The following NHS variants were observed in gnomAD, a reference collection of about 807,000 sequenced individuals.
NHS encodes actin remodeling regulator NHS.
A neutral mutation model predicts 72.5 loss-of-function variants in NHS; 5 were observed. The observed-to-expected ratio is 0.07, with a 90% CI of 0.04 to 0.14. The LOEUF (loss-of-function observed/expected upper bound fraction) is 0.14. NHS is among the 10% of genes least tolerant of loss of function. The pLI, the probability that NHS is intolerant of heterozygous loss-of-function variation, is 1.00. For synonymous variants in NHS, 464 were observed against 547.7 expected, an observed-to-expected ratio of 0.85 and a Z score of 2.13; for missense variants, 1,072 against 1,355.7, an observed-to-expected ratio of 0.79 and a Z score of 3.29.
At chrX:17,376,399 TC>T in intron 1 of NHS, 77 bp downstream of exon 1, 1 of 942,601 alleles carries the variant, frequency 1.1e-6, no homozygotes, top group Non-Finnish European at 1.5e-6. Flanking sequence ...GCAGCGGCAA[TC>T]CCAGCCCCGC....
At chrX:17,663,067 T>G (rs1004978020) in intron 1 of NHS, among the ~76,000 whole-genome samples, 9 of 111,885 alleles carry the variant, frequency 8.0e-5, no homozygotes, top group African/African-American at 2.9e-4. Context: ...CATTCATTCA[T>G]TCAACAAATG....
chrX:17,444,943 CTTATGATGGCTT>C (rs2079765769), intron 1 of NHS, among the ~76,000 whole-genome samples: 1 of 110,695 alleles, frequency 9.0e-6, no homozygotes, highest in African/African-American at 3.3e-5. Flanking sequence ...GCATCATTTA[CTTATGATGGCTT>C]TTATTTCACC....
chrX:17,380,470 G>A lies in NHS; in HGVS notation c.565+4148G>A, dbSNP rs145441946. 8.3e-3 allele frequency among the ~76,000 whole-genome samples: 889 copies of A among 107,085 alleles called. 12 individuals carry two copies. The highest frequency in any genetic ancestry group is 0.029 in the African/African-American group (847 of 29,114). 93.0% of individuals were successfully genotyped at this position (107,085 alleles called of 115,157 possible). A position where few individuals can be genotyped will look rare whatever the true frequency, so the allele number is the denominator to read the frequency against. On this transcript the variant is annotated intron_variant, in intron 1 of 8. Coordinates refer to ENST00000676302, the MANE Select transcript of NHS (RefSeq NM_001291867.2). ...CTTGACCGCCCCAGGCTCCCATCTC[G>A]GCCCCCCAAGTAGCTAGGACTACAG...
chrX:17,517,432 A>G (rs2065127236), intron 1 of NHS, among the ~76,000 whole-genome samples: 1 of 112,398 alleles, frequency 8.9e-6, no homozygotes, highest in South Asian at 3.7e-4. Flanking sequence ...ATTTTCCTCT[A>G]AGTCTTCAAT....
chrX:17,652,449 T>C (rs1375382801), intron 1 of NHS, among the ~76,000 whole-genome samples: 1 of 112,047 alleles, frequency 8.9e-6, no homozygotes, highest in Non-Finnish European at 1.9e-5. Flanking sequence ...GCAACATGGA[T>C]GAAACTGGAG....
chrX:17,644,863 G>A (rs1383758082), intron 1 of NHS, among the ~76,000 whole-genome samples: 1 of 110,784 alleles, frequency 9.0e-6, no homozygotes, highest in Admixed American at 9.6e-5. Flanking sequence ...TGCCAGGCAC[G>A]CTACAGTGTA....
chrX:17,482,187 G>A (rs2064948680), intron 1 of NHS, among the ~76,000 whole-genome samples: 1 of 112,066 alleles, frequency 8.9e-6, no homozygotes, highest in Non-Finnish European at 1.9e-5. Context: ...AGTGCTTTGA[G>A]TAGGCCAGGG....
intron 1 of NHS, chrX:17,557,350 T>TATATATATATG: frequency 9.4e-6 from 1 of 106,833 alleles, no homozygotes; most frequent in African/African-American, 3.5e-5. Flanking sequence ...TATATATATC[T>TATATATATATG]TGCATTTCAA....
chrX:17,402,075 T>A (rs1374329893), intron 1 of NHS, among the ~76,000 whole-genome samples: 1 of 111,791 alleles, frequency 8.9e-6, no homozygotes, highest in East Asian at 2.8e-4. Flanking sequence ...CATAAGCACA[T>A]GAAAAGATGC....
At chrX:17,635,678 G>A (rs1415766287) in intron 1 of NHS, 2 of 951,007 alleles carry the variant, frequency 2.1e-6, no homozygotes, top group African/African-American at 2.0e-5. Flanking sequence ...GGCTTGTGCT[G>A]TAGCCACTTC....
chrX:17,423,559 G>T (rs141108262), intron 1 of NHS, among the ~76,000 whole-genome samples: 1,328 of 111,601 alleles, frequency 0.012, 22 homozygotes, highest in African/African-American at 0.041. Flanking sequence ...CAGTCCTCAG[G>T]TTGGGGATGA....
intron 1 of NHS, among the ~76,000 whole-genome samples, chrX:17,506,348 G>A (rs1204424798): frequency 2.7e-5 from 3 of 109,342 alleles, no homozygotes; most frequent in African/African-American, 1.0e-4. Flanking sequence ...GACCAACATG[G>A]CAAAATCCCG....
intron 1 of NHS, among the ~76,000 whole-genome samples, chrX:17,386,435 TG>T (rs2064408943): frequency 9.1e-6 from 1 of 110,083 alleles, no homozygotes; most frequent in South Asian, 3.9e-4. Context: ...CTGAAGCAGG[TG>T]GATCACTTGA....
chrX:17,580,969 A>G (rs932136490), intron 1 of NHS, among the ~76,000 whole-genome samples: 1 of 112,023 alleles, frequency 8.9e-6, no homozygotes, highest in African/African-American at 3.2e-5. Context: ...AGGAAGTTGG[A>G]GAGTATGCCT....
At chrX:17,633,413 G>C (rs1023006188) in intron 1 of NHS, among the ~76,000 whole-genome samples, 2 of 111,906 alleles carry the variant, frequency 1.8e-5, no homozygotes, top group African/African-American at 6.5e-5. Flanking sequence ...GTGCATCCAG[G>C]GTCCTAGAGC....
At chrX:17,401,788 T>A (rs888696972) in intron 1 of NHS, among the ~76,000 whole-genome samples, 5 of 111,832 alleles carry the variant, frequency 4.5e-5, no homozygotes, top group African/African-American at 1.6e-4. Context: ...ATTATAAGGA[T>A]AACAGTCATT....
intron 1 of NHS, among the ~76,000 whole-genome samples, chrX:17,637,363 TACGTGGCTGACAGACCAGG>T (rs1164225188): frequency 2.7e-5 from 3 of 111,865 alleles, no homozygotes; most frequent in African/African-American, 9.7e-5. Context: ...CCAAGGCCTA[TACGTGGCTGACAGACCAGG>T]AAGGGACTGG....
At chrX:17,632,263 T>C (rs1883665) in intron 1 of NHS, among the ~76,000 whole-genome samples, 20,992 of 111,171 alleles carry the variant, frequency 0.19, 3,364 homozygotes, top group African/African-American at 0.5. Context: ...CTGAATGAGT[T>C]GGTGAAGTTC....
chrX:17,511,316 C>T (rs1439622791), intron 1 of NHS, among the ~76,000 whole-genome samples: 1 of 111,516 alleles, frequency 9.0e-6, no homozygotes, highest in Non-Finnish European at 1.9e-5. Context: ...AGGGGCTGAG[C>T]ACCACCGTAG....
Sources: gnomAD v4.1 joint callset for allele counts (sites outside exome capture counted in the v4.1 genomes callset) on GRCh38, gnomAD v4.1.1 for gene constraint, MANE v1.5 for transcripts, NCBI Gene and HGNC (gene_info 2026-07-23, HGNC 2026-07-21) for gene names.